Variants in UGT2A1 observed in about 807,000 individuals in gnomAD.
UGT2A1 encodes UDP glucuronosyltransferase family 2 member A1 complex locus, also known as UDP-glucuronosyltransferase 2A1.
UGT2A1 carries 61 observed loss-of-function variants against 45.4 expected under a neutral mutation model. That is an observed-to-expected ratio of 1.34 (90% CI 1.09 to 1.66). The LOEUF is 1.66. UGT2A1 is among the 40% of genes most tolerant of loss of function. The pLI, the probability that UGT2A1 is intolerant of heterozygous loss-of-function variation, is 0.00. For missense variants in UGT2A1, 649 were observed against 574.3 expected (o/e 1.13, Z -1.33); for synonymous variants, 229 against 196.2 (o/e 1.17, Z -1.40).
chr4:69,592,345 C>A (rs545081911), intron 6 of UGT2A1, among the ~76,000 whole-genome samples: 3 of 150,886 alleles, frequency 2.0e-5, no homozygotes, highest in Non-Finnish European at 3.0e-5. Context: ...ACACCAAGAC[C>A]GAGAAAAAAT....
At chr4:69,647,731 T>G (rs1014004531) in intron 1 of UGT2A1, 33 bp from the exon 2 acceptor site, 2 of 1,015,000 alleles carry the variant, frequency 2.0e-6, no homozygotes, top group South Asian at 1.9e-5. Flanking sequence ...ACAAAATTAT[T>G]TCTCAATTTT....
intron 2 of UGT2A1, among the ~76,000 whole-genome samples, chr4:69,643,771 AG>A (rs1170557593): frequency 2.0e-5 from 3 of 151,664 alleles, no homozygotes; most frequent in Admixed American, 2.0e-4. Context: ...TACTCAGGTG[AG>A]GCTGTTCGAG....
chr4:69,589,714 A>C, intron 6 of UGT2A1, 63 bp from the exon 7 acceptor site: 17 of 1,553,190 alleles, frequency 1.1e-5, no homozygotes, highest in Non-Finnish European at 1.4e-5. Context: ...TTGAAGATAA[A>C]TATGTGATAC....
chr4:69,604,728 C>T (rs1719501013), intron 3 of UGT2A1, among the ~76,000 whole-genome samples: 1 of 136,560 alleles, frequency 7.3e-6, no homozygotes, highest in East Asian at 2.1e-4. Flanking sequence ...GGAGGAAGAT[C>T]TACCAAGCAA....
intron 3 of UGT2A1, among the ~76,000 whole-genome samples, chr4:69,628,768 C>T (rs934318976): frequency 2.0e-5 from 3 of 147,294 alleles, no homozygotes; most frequent in Non-Finnish European, 4.5e-5. Context: ...TGTAAAGTTT[C>T]AGCTTACAAA....
At chr4:69,618,950 T>C (rs1720574574) in intron 3 of UGT2A1, among the ~76,000 whole-genome samples, 1 of 151,906 alleles carries the variant, frequency 6.6e-6, no homozygotes, top group Non-Finnish European at 1.5e-5. Flanking sequence ...AAAGATGTTG[T>C]TTAACATACT....
chr4:69,604,594 C>T (rs1719488727), intron 3 of UGT2A1, among the ~76,000 whole-genome samples: 2 of 136,348 alleles, frequency 1.5e-5, no homozygotes, highest in Non-Finnish European at 3.1e-5. Flanking sequence ...CATAAATGGG[C>T]TAAATGCTCC....
chr4:69,640,044 T>C (rs924719192), intron 2 of UGT2A1, among the ~76,000 whole-genome samples: 5 of 152,018 alleles, frequency 3.3e-5, no homozygotes, highest in Non-Finnish European at 5.9e-5. Flanking sequence ...AGAATAGCTT[T>C]CTTCTCCATA....
At chr4:69,590,708 A>C (rs766327859) in intron 6 of UGT2A1, among the ~76,000 whole-genome samples, 1 of 152,072 alleles carries the variant, frequency 6.6e-6, no homozygotes, top group Non-Finnish European at 1.5e-5. Flanking sequence ...AAGTAATTTC[A>C]CATGGATCAT....
At chr4:69,611,521 G>A (rs150753410) in intron 3 of UGT2A1, among the ~76,000 whole-genome samples, 1 of 152,106 alleles carries the variant, frequency 6.6e-6, no homozygotes, top group African/African-American at 2.4e-5. Context: ...TAAATGAAGA[G>A]TAATGCTACA....
At chr4:69,639,707 A>G in intron 2 of UGT2A1, 2 of 1,409,986 alleles carry the variant, frequency 1.4e-6, no homozygotes, top group Non-Finnish European at 1.9e-6. Flanking sequence ...TTTTAAATAA[A>G]GTAATATTTA....
At position 69,589,081 on chromosome 4, in the gene UGT2A1, GA is replaced by G; in HGVS notation, c.*290del. 4.2e-6 allele frequency: 1 copy of G among 240,230 alleles called. No individual in the cohort carries two copies. Among genetic ancestry groups the G allele is most frequent in the African/African-American group, 2.3e-5 (1 of 44,436 alleles). The allele number at this position is 240,230 out of a possible 1,614,324, so 14.9% of individuals were successfully genotyped here. ...ATAAAATAATTTGATACTATGAATA[GA>G]ACATATTTAAAATTAGGTAGTATCC... On this transcript the variant is annotated 3_prime_UTR_variant, in exon 7 of 7. Transcript: ENST00000286604.
chr4:69,588,928 T>C lies in UGT2A1; in HGVS notation c.*444A>G, dbSNP rs1718413566. ...CTCATAACACACTACTCTCCTACGG[T>C]GGCTCCCTGATTTGTTTGGTATATG... On this transcript the variant is annotated 3_prime_UTR_variant, in exon 7 of 7. Coordinates refer to ENST00000286604, the MANE Select transcript of UGT2A1 (RefSeq NM_001252275.3). 1 of 153,922 alleles carries C rather than the reference T, an allele frequency of 6.5e-6. No individual in the cohort carries two copies. The highest frequency in any genetic ancestry group is 2.0e-4 in the South Asian group (1 of 4,988). The allele number at this position is 153,922 out of a possible 1,614,324, so 9.5% of individuals were successfully genotyped here.
chr4:69,609,537 A>T (rs565152316), intron 3 of UGT2A1, among the ~76,000 whole-genome samples: 7 of 152,098 alleles, frequency 4.6e-5, no homozygotes, highest in Admixed American at 1.3e-4. Flanking sequence ...TTATATCTCA[A>T]TACAACTGTT....
rs761881572 is a variant in UGT2A1 at position 69,589,357 on chromosome 4, C to A, written c.*15G>T. ...GCCAAACTTAAAAATATATATATTT[C>A]CTCTTTTTCTTGACCTATTCTCTTT... is the stretch of plus-strand genomic sequence containing the variant. On this transcript the variant is annotated 3_prime_UTR_variant, in exon 7 of 7. Coordinates refer to ENST00000286604, the MANE Select transcript of UGT2A1 (RefSeq NM_001252275.3). The A allele has an allele frequency of 2.6e-5, 41 of 1,595,078 alleles. No individual in the cohort carries two copies. In the Admixed American group the frequency reaches 7.2e-4, roughly 28 times the overall value.
chr4:69,601,116 A>G (rs1471414847), intron 3 of UGT2A1, among the ~76,000 whole-genome samples: 1 of 152,126 alleles, frequency 6.6e-6, no homozygotes, highest in Non-Finnish European at 1.5e-5. Flanking sequence ...CCAAGCATGT[A>G]GGAGCCAGGT....
intron 3 of UGT2A1, among the ~76,000 whole-genome samples, chr4:69,614,246 T>C (rs1455210021): frequency 6.6e-6 from 1 of 151,836 alleles, no homozygotes; most frequent in Non-Finnish European, 1.5e-5. Context: ...ATAAAATACC[T>C]AAGAATAAAC....
intron 3 of UGT2A1, among the ~76,000 whole-genome samples, chr4:69,627,675 G>A (rs887043761): frequency 3.3e-5 from 5 of 151,638 alleles, no homozygotes; most frequent in African/African-American, 1.2e-4. Flanking sequence ...AAGGACTGAA[G>A]AACAAATATA....
intron 3 of UGT2A1, among the ~76,000 whole-genome samples, chr4:69,633,630 T>C (rs75855169): frequency 0.23 from 34,551 of 152,126 alleles, 4,193 homozygotes; most frequent in Non-Finnish European, 0.25. Flanking sequence ...GAGCACAGCA[T>C]ATCTACATGC....
Sources: allele counts gnomAD v4.1 joint callset (sites outside exome capture counted in the v4.1 genomes callset), GRCh38; gene constraint gnomAD v4.1.1; transcripts MANE v1.5; gene names NCBI Gene and HGNC (gene_info 2026-07-23, HGNC 2026-07-21).